The following PHLDB2 variants were observed in gnomAD, a reference collection of about 807,000 sequenced individuals.
The protein encoded by PHLDB2 is pleckstrin homology-like domain family B member 2.
Under a neutral mutation model 123.6 loss-of-function variants are expected in PHLDB2, and 71 were observed. That is an observed-to-expected ratio of 0.57 (90% CI 0.47 to 0.70). The LOEUF is 0.70. PHLDB2 is among the 30% of genes least tolerant of loss of function. PHLDB2 has a pLI of 0.00. For synonymous variants in PHLDB2, 547 were observed against 541.6 expected (o/e 1.01, Z -0.14); for missense variants, 1,446 against 1,519.5 (o/e 0.95, Z 0.80).
chr3:111,736,737 A>G (rs1490942517), intron 1 of PHLDB2, among the ~76,000 whole-genome samples: 1 of 152,230 alleles, frequency 6.6e-6, no homozygotes, highest in African/African-American at 2.4e-5. Context: ...CTGTCAGGTC[A>G]GTGTGGTAAT....
At chr3:111,791,710 C>T (rs1336936222) in intron 1 of PHLDB2, among the ~76,000 whole-genome samples, 1 of 151,964 alleles carries the variant, frequency 6.6e-6, no homozygotes, top group Non-Finnish European at 1.5e-5. Flanking sequence ...TATAATTGTA[C>T]ATATTTATGG....
chr3:111,892,237 T>G (rs77930015), intron 2 of PHLDB2, among the ~76,000 whole-genome samples: 3,138 of 152,304 alleles, frequency 0.021, 135 homozygotes, highest in African/African-American at 0.071. Flanking sequence ...TATTAATGTT[T>G]CTGTGGTAGT....
At chr3:111,955,355 AAAT>A (rs2070991098) in intron 12 of PHLDB2, among the ~76,000 whole-genome samples, 1 of 152,102 alleles carries the variant, frequency 6.6e-6, no homozygotes, top group African/African-American at 2.4e-5. Context: ...TGATGTTTAT[AAAT>A]AATAAACATA....
intron 12 of PHLDB2, among the ~76,000 whole-genome samples, chr3:111,955,159 A>ATATATATATC (rs1301347953): frequency 5.0e-5 from 7 of 138,886 alleles, no homozygotes; most frequent in East Asian, 2.0e-4. Context: ...ATATATATAT[A>ATATATATATC]TCTCTCACTG....
intron 2 of PHLDB2, among the ~76,000 whole-genome samples, chr3:111,890,842 T>A (rs1577008977): frequency 6.6e-6 from 1 of 152,192 alleles, no homozygotes; most frequent in Admixed American, 6.5e-5. Flanking sequence ...GTTCCTTTTT[T>A]AAAAAAATAA....
At position 111,884,846 on chromosome 3, in the gene PHLDB2, C is replaced by A. The variant is rs756072596; in HGVS notation, c.769C>A (p.Pro257Thr). 7.2e-5 allele frequency: 117 copies of A among 1,614,040 alleles called. No individual in the cohort carries two copies. The highest frequency in any genetic ancestry group is 9.7e-5 in the Non-Finnish European group (114 of 1,180,026). The change falls in exon 2 of 18, where the codon CCC (proline) becomes ACC (threonine). Residue 257 changes from proline to threonine, a missense_variant. By Grantham distance (38) the Pro-to-Thr change is conservative. This residue lies in a region of PHLDB2 where 832 missense variants were observed against 831.9 expected (regional missense o/e 1.00). Coordinates refer to ENST00000431670, the MANE Select transcript of PHLDB2 (RefSeq NM_001134438.2). The part of the protein sequence containing the change: ...SHMGAYSRSL[P>T]RLYRATENQL... ...CATGGGAGCCTACAGCCGATCACTT[C>A]CCAGGTTGTACAGAGCCACAGAGAA... is the stretch of plus-strand genomic sequence containing the variant.
intron 1 of PHLDB2, among the ~76,000 whole-genome samples, chr3:111,783,492 G>A (rs2060562548): frequency 6.6e-6 from 1 of 151,888 alleles, no homozygotes; most frequent in Non-Finnish European, 1.5e-5. Context: ...CATGAGCAAG[G>A]TAAAGAAATT....
At chr3:111,971,007 C>T (rs2072139007) in intron 16 of PHLDB2, among the ~76,000 whole-genome samples, 2 of 152,222 alleles carry the variant, frequency 1.3e-5, no homozygotes, top group East Asian at 1.9e-4. Flanking sequence ...TGCCTTTCAC[C>T]GAGGAGCTCT....
At position 111,798,492 on chromosome 3, in the gene PHLDB2, T is replaced by A. The variant is rs375520123; in HGVS notation, c.-48-47329T>A. Among the ~76,000 whole-genome samples, 212 of 152,178 alleles carry A rather than the reference T, an allele frequency of 1.4e-3. 1 individual carries two copies. Among genetic ancestry groups the A allele is most frequent in the African/African-American group, 4.3e-3 (179 of 41,514 alleles). On this transcript the variant is annotated intron_variant, in intron 1 of 17. Transcript: ENST00000393923. Reference sequence around the variant, plus strand: ...GTGAAAATTACCTGGGCCACAAAACTGCAATGAAATTATTAAAGCATTTAT... The same window carrying A: ...GTGAAAATTACCTGGGCCACAAAACAGCAATGAAATTATTAAAGCATTTAT...
At chr3:111,861,910 C>T (rs543037052) in intron 1 of PHLDB2, among the ~76,000 whole-genome samples, 24 of 152,306 alleles carry the variant, frequency 1.6e-4, no homozygotes, top group African/African-American at 5.8e-4. Context: ...GAAGTTACCT[C>T]GGCTCACTAC....
Position 111,884,648 on chromosome 3 carries a change from C to CCTCCTAT in PHLDB2, c.573_579dup (p.Arg195TyrfsTer33). The CCTCCTAT allele has an allele frequency of 1.2e-6, 2 of 1,614,162 alleles. No individual in the cohort carries two copies. Among genetic ancestry groups the CCTCCTAT allele is most frequent in the Non-Finnish European group, 1.7e-6 (2 of 1,180,036 alleles). ...AAGTTCCCTGAGTGATGCTGGCCCG[C>CCTCCTAT]CTCCTATCAGCAGATCGGGAGCCGC... On this transcript the variant is annotated frameshift_variant, in exon 2 of 18. Coordinates refer to ENST00000431670, the MANE Select transcript of PHLDB2 (RefSeq NM_001134438.2). LOFTEE classifies it high-confidence loss of function.
chr3:111,828,333 C>T (rs1576768656), intron 1 of PHLDB2, among the ~76,000 whole-genome samples: 1 of 152,218 alleles, frequency 6.6e-6, no homozygotes, highest in South Asian at 2.1e-4. Flanking sequence ...GATTTAGATG[C>T]TGGTAATGCT....
intron 1 of PHLDB2, among the ~76,000 whole-genome samples, chr3:111,835,421 G>A (rs907523494): frequency 1.3e-5 from 2 of 152,128 alleles, no homozygotes; most frequent in Non-Finnish European, 2.9e-5. Flanking sequence ...GCACACAATT[G>A]ACACTTAATA....
intron 1 of PHLDB2, among the ~76,000 whole-genome samples, chr3:111,765,450 G>A (rs1195556103): frequency 6.6e-6 from 1 of 152,138 alleles, no homozygotes; most frequent in African/African-American, 2.4e-5. Context: ...AAATTATCTT[G>A]TCCTAAGGCA....
intron 2 of PHLDB2, among the ~76,000 whole-genome samples, chr3:111,850,921 C>T (rs944026364): frequency 4.6e-5 from 7 of 152,004 alleles, no homozygotes; most frequent in South Asian, 2.1e-4. Flanking sequence ...TTTGGCCAGG[C>T]GTGGTGGCTC....
intron 10 of PHLDB2, chr3:111,949,864 AGGC>A: frequency 1.0e-6 from 1 of 986,088 alleles, no homozygotes; most frequent in Non-Finnish European, 1.2e-6. Context: ...GAAACACAGA[AGGC>A]AGCAGCAGCA....
At chr3:111,875,630 T>G (rs1204726830) in intron 1 of PHLDB2, among the ~76,000 whole-genome samples, 2 of 150,998 alleles carry the variant, frequency 1.3e-5, no homozygotes, top group African/African-American at 4.9e-5. Context: ...AGAGACCAGC[T>G]TGGCAAACAT....
chr3:111,939,549 T>A lies in PHLDB2; in HGVS notation c.2205T>A (p.Arg735=), dbSNP rs778774924. 6.2e-7 allele frequency: 1 copy of A among 1,613,826 alleles called. No individual in the cohort carries two copies. Among genetic ancestry groups the A allele is most frequent in the Non-Finnish European group, 8.5e-7 (1 of 1,179,918 alleles). The change falls in exon 7 of 18, where the codon CGT becomes CGA. Residue 735 remains arginine (R), a synonymous_variant. Coordinates refer to ENST00000431670, the MANE Select transcript of PHLDB2 (RefSeq NM_001134438.2). The stretch of plus-strand genomic sequence containing the variant: ...TCCAGCAGCTTGAACATGAGAGCCG[T>A]CTAGATGAAGAAAAGGAGAACTTGA... ...LEFQQLEHES[R]LDEEKENLTQ...
At position 111,951,321 on chromosome 3, in the gene PHLDB2, C is replaced by G. The variant is rs192269777; in HGVS notation, c.2632-1251C>G. Among the ~76,000 whole-genome samples, 28 of 152,176 alleles carry G rather than the reference C, an allele frequency of 1.8e-4. No individual in the cohort carries two copies. The East Asian group carries it at 5.4e-3, about 29-fold the overall frequency. On this transcript the variant is annotated intron_variant, in intron 10 of 17. Coordinates refer to ENST00000431670, the MANE Select transcript of PHLDB2 (RefSeq NM_001134438.2). The stretch of plus-strand genomic sequence containing the variant: ...CTGTAATATAGAGATAGTAATAGTA[C>G]CTACCTCACAGGATTATTATAATAA...
Sources: gnomAD v4.1 joint callset for allele counts (sites outside exome capture counted in the v4.1 genomes callset) on GRCh38, gnomAD v4.1.1 for gene constraint, gnomAD v4.1.1 regional missense constraint, MANE v1.5 for transcripts, NCBI Gene and HGNC (gene_info 2026-07-23, HGNC 2026-07-21) for gene names.